Variants in LARGE1 observed in about 807,000 individuals in gnomAD.
LARGE1 encodes the protein LARGE xylosyl- and glucuronyltransferase 1, also known as xylosyl- and glucuronyltransferase LARGE1.
Under a neutral mutation model 87.6 loss-of-function variants are expected in LARGE1, and 43 were observed. The ratio of observed to expected loss-of-function variants is 0.49; its 90% CI spans 0.38 to 0.63. LARGE1 has a LOEUF of 0.63. Among genes scored for constraint, LARGE1 ranks in the 30% least tolerant of loss-of-function variants. The probability of loss-of-function intolerance (pLI) is 0.00; values close to 1 mark genes in which losing one functional copy is unlikely to be tolerated. For missense variants in LARGE1, 802 were observed against 1,000.2 expected, an observed-to-expected ratio of 0.80 and a Z score of 2.67; for synonymous variants, 434 against 394.6, an observed-to-expected ratio of 1.10 and a Z score of -1.18.
At chr22:33,293,287 C>T (rs971773061) in intron 12 of LARGE1, among the ~76,000 whole-genome samples, 2 of 152,204 alleles carry the variant, frequency 1.3e-5, no homozygotes, top group African/African-American at 4.8e-5. Context: ...GAGTTTCAAG[C>T]CCCATGCTAA....
At chr22:33,637,522 T>G (rs1057061659) in intron 3 of LARGE1, among the ~76,000 whole-genome samples, 5 of 152,144 alleles carry the variant, frequency 3.3e-5, no homozygotes, top group Admixed American at 3.3e-4. Context: ...AGAGCCGGGC[T>G]GTATGACCAA....
At chr22:33,541,055 G>GGT (rs1491134905) in intron 6 of LARGE1, among the ~76,000 whole-genome samples, 1 of 37,440 alleles carries the variant, frequency 2.7e-5, no homozygotes, top group African/African-American at 1.4e-4. Flanking sequence ...GGTGGGTTGC[G>GGT]GGGGGGGGGG....
intron 6 of LARGE1, among the ~76,000 whole-genome samples, chr22:33,545,066 C>T (rs904684224): frequency 6.6e-6 from 1 of 152,074 alleles, no homozygotes; most frequent in African/African-American, 2.4e-5. Context: ...TGAGGAAGCA[C>T]GTGTTATAGT....
At chr22:33,624,706 C>A (rs975545778) in intron 4 of LARGE1, among the ~76,000 whole-genome samples, 3 of 152,122 alleles carry the variant, frequency 2.0e-5, no homozygotes, top group African/African-American at 2.4e-5. Flanking sequence ...TTGATTTCCA[C>A]CCCTTGACAA....
chr22:33,583,068 C>A (rs2078569273), intron 5 of LARGE1, among the ~76,000 whole-genome samples: 1 of 152,192 alleles, frequency 6.6e-6, no homozygotes, highest in African/African-American at 2.4e-5. Flanking sequence ...GTCTAGATGA[C>A]AAATAGGACT....
intron 1 of LARGE1, among the ~76,000 whole-genome samples, chr22:33,855,407 T>G (rs546348870): frequency 1.3e-5 from 2 of 152,088 alleles, no homozygotes; most frequent in Non-Finnish European, 2.9e-5. Context: ...AGTGGGAAAC[T>G]GTCAGAACCC....
chr22:33,658,668 T>A (rs1422317591), intron 2 of LARGE1, among the ~76,000 whole-genome samples: 1 of 152,244 alleles, frequency 6.6e-6, no homozygotes, highest in Non-Finnish European at 1.5e-5. Flanking sequence ...TGTACCATAT[T>A]TTCTTTATTG....
intron 6 of LARGE1, among the ~76,000 whole-genome samples, chr22:33,540,485 G>A (rs1041169419): frequency 5.9e-5 from 9 of 152,196 alleles, no homozygotes; most frequent in Non-Finnish European, 1.3e-4. Flanking sequence ...TTTTCCCTGG[G>A]AGGGACAAGT....
chr22:33,107,628 A>G, the LARGE1 span, among the ~76,000 whole-genome samples: 2 of 152,170 alleles, frequency 1.3e-5, no homozygotes, highest in Non-Finnish European at 2.9e-5. Flanking sequence ...ACTTTAGGAG[A>G]CTGAAACTGG....
chr22:33,801,279 G>A (rs911924149), intron 1 of LARGE1, among the ~76,000 whole-genome samples: 24 of 152,110 alleles, frequency 1.6e-4, no homozygotes, highest in African/African-American at 5.5e-4. Context: ...TAATACATAT[G>A]GTATATATTT....
chr22:33,572,989 A>C (rs1428373188), intron 5 of LARGE1, among the ~76,000 whole-genome samples: 1 of 152,210 alleles, frequency 6.6e-6, no homozygotes, highest in Non-Finnish European at 1.5e-5. Flanking sequence ...CTGGGCAAGC[A>C]GTTAAACCTC....
chr22:33,258,030 A>G (rs1234689469), intron 11 of LARGE1, among the ~76,000 whole-genome samples: 1 of 151,706 alleles, frequency 6.6e-6, no homozygotes, highest in East Asian at 1.9e-4. Flanking sequence ...CAAGAAATGT[A>G]TATATATTTT....
chr22:33,070,111 C>T, the LARGE1 span, among the ~76,000 whole-genome samples: 2 of 152,274 alleles, frequency 1.3e-5, no homozygotes, highest in South Asian at 2.1e-4. Context: ...CATGAGCTGC[C>T]GCTCCTGGCC....
chr22:33,267,563 G>A (rs1244244396), downstream of LARGE1, among the ~76,000 whole-genome samples: 1 of 151,476 alleles, frequency 6.6e-6, no homozygotes, highest in Admixed American at 6.6e-5. Flanking sequence ...CATCACTTAC[G>A]TAGGTTTTCC....
intron 3 of LARGE1, among the ~76,000 whole-genome samples, chr22:33,637,973 T>G (rs1019832805): frequency 2.0e-5 from 3 of 152,244 alleles, no homozygotes; most frequent in Non-Finnish European, 2.9e-5. Context: ...CACGTGACAA[T>G]ACCACCAGGT....
intron 1 of LARGE1, among the ~76,000 whole-genome samples, chr22:33,802,616 A>G (rs1406386996): frequency 6.6e-6 from 1 of 152,188 alleles, no homozygotes; most frequent in African/African-American, 2.4e-5. Context: ...ATGCTTAGAT[A>G]TACAGTAGGT....
At chr22:33,651,225 C>CAAGAAAAAAAAAAAAAAAA (rs2080796025) in intron 2 of LARGE1, among the ~76,000 whole-genome samples, 1 of 56,574 alleles carries the variant, frequency 1.8e-5, no homozygotes, top group Non-Finnish European at 3.6e-5. Context: ...ACTAAAAATA[C>CAAGAAAAAAAAAAAAAAAA]AAAAAAAAAA....
chr22:33,844,428 G>A (rs988096597), intron 1 of LARGE1, among the ~76,000 whole-genome samples: 2 of 152,108 alleles, frequency 1.3e-5, no homozygotes, highest in Non-Finnish European at 2.9e-5. Flanking sequence ...TCTCCAATGG[G>A]GCTCTCCTTT....
chr22:33,692,856 G>C (rs1037608509), intron 2 of LARGE1, among the ~76,000 whole-genome samples: 1 of 152,002 alleles, frequency 6.6e-6, no homozygotes, highest in African/African-American at 2.4e-5. Context: ...AAGAAAAAAA[G>C]GCAGAGAACT....
Sources: allele counts gnomAD v4.1 joint callset (sites outside exome capture counted in the v4.1 genomes callset), GRCh38; gene constraint gnomAD v4.1.1; transcripts MANE v1.5; gene names NCBI Gene and HGNC (gene_info 2026-07-23, HGNC 2026-07-21).